The following LRRC28 variants were observed in gnomAD, a reference collection of about 807,000 sequenced individuals.
The protein encoded by LRRC28 is leucine-rich repeat-containing protein 28.
A neutral mutation model predicts 45.7 loss-of-function variants in LRRC28; 39 were observed. The observed-to-expected ratio is 0.85, with a 90% CI of 0.66 to 1.12. LRRC28 has a LOEUF of 1.12. Among genes scored for constraint, LRRC28 ranks in the 50% most tolerant of loss-of-function variants. The probability of loss-of-function intolerance (pLI) is 0.00; values close to 1 mark genes in which losing one functional copy is unlikely to be tolerated. For missense variants in LRRC28, 435 were observed against 438.5 expected (o/e 0.99, Z 0.07); for synonymous variants, 206 against 178.8 (o/e 1.15, Z -1.22).
intron 5 of LRRC28, among the ~76,000 whole-genome samples, chr15:99,306,029 T>A (rs1386527672): frequency 6.6e-6 from 1 of 152,242 alleles, no homozygotes; most frequent in Non-Finnish European, 1.5e-5. Flanking sequence ...TGTTAAACAT[T>A]TGGATTTTTC....
chr15:99,368,736 T>C (rs1957404404), intron 9 of LRRC28, among the ~76,000 whole-genome samples: 1 of 152,208 alleles, frequency 6.6e-6, no homozygotes, highest in Non-Finnish European at 1.5e-5. Flanking sequence ...GATCCAGAAG[T>C]CACATACCTA....
chr15:99,358,850 G>A lies in LRRC28; in HGVS notation c.696-2486G>A, dbSNP rs546678540. On this transcript the variant is annotated intron_variant, in intron 7 of 9. Coordinates refer to ENST00000301981, the MANE Select transcript of LRRC28 (RefSeq NM_144598.5). ...CCCAGCACTTTGGGAAGCCGAGGCG[G>A]GCCAATCACTTGAGGTCAGAAGTTC... Among the ~76,000 whole-genome samples, 16 of 152,244 alleles carry A rather than the reference G, an allele frequency of 1.1e-4. 1 individual carries two copies. The South Asian group carries it at 2.7e-3, about 26-fold the overall frequency.
chr15:99,312,664 G>A (rs1035636816), intron 5 of LRRC28, among the ~76,000 whole-genome samples: 3 of 152,148 alleles, frequency 2.0e-5, no homozygotes, highest in Admixed American at 2.0e-4. Context: ...AGCATAGTAG[G>A]TTTGTGTTTA....
chr15:99,312,460 T>C (rs1172319400), intron 5 of LRRC28, among the ~76,000 whole-genome samples: 1 of 152,202 alleles, frequency 6.6e-6, no homozygotes, highest in Non-Finnish European at 1.5e-5. Context: ...TCATCGCCTA[T>C]GATAACAATG....
intron 7 of LRRC28, among the ~76,000 whole-genome samples, chr15:99,355,038 A>G (rs757971887): frequency 1.1e-4 from 16 of 152,332 alleles, no homozygotes; most frequent in Admixed American, 3.3e-4. Flanking sequence ...TAGAGAGACA[A>G]TGGGGTATAA....
chr15:99,256,351 CA>C, intron 2 of LRRC28: 1 of 367,302 alleles, frequency 2.7e-6, no homozygotes, highest in East Asian at 4.6e-5. Flanking sequence ...GCAAAATACT[CA>C]CTGATGTATG....
At chr15:99,271,586 TTTTA>T (rs886370178) in intron 2 of LRRC28, among the ~76,000 whole-genome samples, 5 of 151,918 alleles carry the variant, frequency 3.3e-5, no homozygotes, top group Non-Finnish European at 5.9e-5. Context: ...CCTATTTTTC[TTTTA>T]TTTATTTATT....
Position 99,361,516 on chromosome 15 carries a change from G to C in LRRC28, c.871+5G>C. 6.4e-7 allele frequency: 1 copy of C among 1,574,214 alleles called. No individual in the cohort carries two copies. Among genetic ancestry groups the C allele is most frequent in the Non-Finnish European group, 8.6e-7 (1 of 1,162,266 alleles). ...CCTACCACAGCTTGCTGAAAGGTAC[G>C]TGGGACTTCTGGTTTTCTTATTTTT... is the stretch of plus-strand genomic sequence containing the variant. On this transcript the variant is annotated splice_donor_5th_base_variant and intron_variant, in intron 8 of 9. Coordinates refer to ENST00000301981, the MANE Select transcript of LRRC28 (RefSeq NM_144598.5).
At chr15:99,319,545 GGTTA>G (rs1955719942) in intron 5 of LRRC28, among the ~76,000 whole-genome samples, 1 of 152,050 alleles carries the variant, frequency 6.6e-6, no homozygotes, top group South Asian at 2.1e-4. Context: ...TTGACTAGTT[GGTTA>G]GATACCAGCG....
intron 5 of LRRC28, among the ~76,000 whole-genome samples, chr15:99,313,973 C>G (rs556670357): frequency 6.6e-6 from 1 of 152,274 alleles, no homozygotes; most frequent in South Asian, 2.1e-4. Flanking sequence ...CTTGAATGAA[C>G]AAACACTACT....
chr15:99,363,080 G>C (rs1323504332), intron 8 of LRRC28, 26 bp from the exon 9 acceptor site: 1 of 1,588,178 alleles, frequency 6.3e-7, no homozygotes, highest in Non-Finnish European at 8.6e-7. Context: ...TTTTACTCGT[G>C]TGCGTGATTT....
At chr15:99,301,678 A>G (rs191589830) in intron 5 of LRRC28, among the ~76,000 whole-genome samples, 40 of 152,272 alleles carry the variant, frequency 2.6e-4, no homozygotes, top group South Asian at 8.3e-4. Flanking sequence ...AGCAGGTTTG[A>G]TTTTATGGAG....
rs1353186501 is a variant in LRRC28 at position 99,293,980 on chromosome 15, C to A, written c.385+6029C>A. On this transcript the variant is annotated intron_variant, in intron 5 of 9. Coordinates refer to ENST00000301981, the MANE Select transcript of LRRC28 (RefSeq NM_144598.5). ...AATTCTGGATTGACAAGACTTTTTT[C>A]TTTGAGCACTTTAAGGAAGATCTTC... Among the ~76,000 whole-genome samples the A allele has an allele frequency of 2.6e-5, 4 of 152,154 alleles. No individual in the cohort carries two copies. The East Asian group carries it at 7.7e-4, about 29-fold the overall frequency.
intron 5 of LRRC28, among the ~76,000 whole-genome samples, chr15:99,300,383 G>A (rs1245374355): frequency 6.6e-6 from 1 of 151,846 alleles, no homozygotes; most frequent in African/African-American, 2.4e-5. Flanking sequence ...CTGAAGGAAA[G>A]TACAAGTCTC....
intron 2 of LRRC28, among the ~76,000 whole-genome samples, chr15:99,273,731 G>T (rs950068807): frequency 6.6e-6 from 1 of 152,168 alleles, no homozygotes. Context: ...AGTTTGTCAT[G>T]GAAAGATTAG....
intron 3 of LRRC28, chr15:99,285,502 G>T: frequency 9.3e-7 from 1 of 1,076,280 alleles, no homozygotes; most frequent in Non-Finnish European, 1.4e-6. Context: ...GCTCTCATCG[G>T]TTGTTTCAAA....
At chr15:99,304,940 G>A (rs1955126903) in intron 5 of LRRC28, among the ~76,000 whole-genome samples, 1 of 151,926 alleles carries the variant, frequency 6.6e-6, no homozygotes, top group Non-Finnish European at 1.5e-5. Flanking sequence ...ATTTTGTTGG[G>A]CCTCCACAAC....
At chr15:99,276,665 TA>T (rs745831787) in intron 3 of LRRC28, 49 bp downstream of exon 3, 1 of 1,402,186 alleles carries the variant, frequency 7.1e-7, no homozygotes, top group South Asian at 1.5e-5. Flanking sequence ...AAAATAATTC[TA>T]AGTTGTTTGA....
intron 5 of LRRC28, among the ~76,000 whole-genome samples, chr15:99,309,705 T>A (rs1955333223): frequency 6.6e-6 from 1 of 152,152 alleles, no homozygotes; most frequent in South Asian, 2.1e-4. Flanking sequence ...CCACGCCCAC[T>A]GGGAAGATGT....
Sources: gnomAD v4.1 joint callset for allele counts (sites outside exome capture counted in the v4.1 genomes callset) on GRCh38, gnomAD v4.1.1 for gene constraint, MANE v1.5 for transcripts, NCBI Gene and HGNC (gene_info 2026-07-23, HGNC 2026-07-21) for gene names.